PKHD1: variants seen among roughly 807,000 people sequenced by gnomAD.
PKHD1 encodes the protein PKHD1 ciliary IPT domain containing fibrocystin/polyductin.
In PKHD1, 291 loss-of-function variants were observed where a neutral mutation model predicts 412.0. The observed-to-expected ratio is 0.71, with a 90% CI of 0.64 to 0.78. The LOEUF (loss-of-function observed/expected upper bound fraction) is 0.78. PKHD1 is among the 30% of genes least tolerant of loss of function. The pLI is 0.00. For synonymous variants in PKHD1, 1,777 were observed against 1,821.5 expected (o/e 0.98, Z 0.62); for missense variants, 4,825 against 4,950.7 (o/e 0.97, Z 0.76).
intron 52 of PKHD1, among the ~76,000 whole-genome samples, chr6:51,812,310 A>G (rs1047716117): frequency 1.3e-5 from 2 of 152,224 alleles, no homozygotes; most frequent in Non-Finnish European, 2.9e-5. Context: ...AAGAAACAAA[A>G]TAAAGTTAAG....
Position 51,726,803 on chromosome 6 carries a change from C to A in PKHD1, c.10156+17582G>T, listed in dbSNP as rs183434241. Among the ~76,000 whole-genome samples the A allele has an allele frequency of 1.9e-4, 29 of 152,268 alleles. No homozygotes were observed. In the East Asian group the frequency reaches 5.6e-3, roughly 29 times the overall value. On this transcript the variant is annotated intron_variant, in intron 60 of 66. Coordinates refer to ENST00000371117, the MANE Select transcript of PKHD1 (RefSeq NM_138694.4). ...TATTTCAACTAAGACTAAGGTCTTA[C>A]AAATAACTATGGTGTGCTGAATAAT...
intron 55 of PKHD1, among the ~76,000 whole-genome samples, chr6:51,763,977 T>G (rs1788492193): frequency 6.6e-6 from 1 of 151,666 alleles, no homozygotes; most frequent in Non-Finnish European, 1.5e-5. Context: ...TACTTTAAGT[T>G]TTAGGGTACA....
At chr6:51,833,970 T>A (rs1326503641) in intron 51 of PKHD1, among the ~76,000 whole-genome samples, 1 of 152,114 alleles carries the variant, frequency 6.6e-6, no homozygotes, top group Non-Finnish European at 1.5e-5. Flanking sequence ...CCTGTACAAA[T>A]TTGTCCCTCA....
intron 32 of PKHD1, among the ~76,000 whole-genome samples, chr6:52,024,083 A>G (rs949311418): frequency 8.5e-5 from 13 of 152,216 alleles, no homozygotes; most frequent in Non-Finnish European, 1.6e-4. Context: ...TGGTATATCT[A>G]AACGGAGAAA....
chr6:51,931,253 C>T (rs541155486), intron 37 of PKHD1, among the ~76,000 whole-genome samples: 10 of 152,250 alleles, frequency 6.6e-5, no homozygotes, highest in South Asian at 2.1e-4. Flanking sequence ...CTCTTCTGTG[C>T]GCCAAAGTTG....
intron 55 of PKHD1, among the ~76,000 whole-genome samples, chr6:51,760,741 G>T (rs1787859818): frequency 6.6e-6 from 1 of 152,024 alleles, no homozygotes; most frequent in African/African-American, 2.4e-5. Context: ...TTTAACATAG[G>T]AGATAAAGGA....
chr6:51,733,063 A>G (rs1345693898), intron 60 of PKHD1, among the ~76,000 whole-genome samples: 1 of 152,222 alleles, frequency 6.6e-6, no homozygotes, highest in Non-Finnish European at 1.5e-5. Context: ...GGTAGTCAAA[A>G]TCATAGACCC....
At chr6:51,643,717 T>C (rs933648815) in intron 63 of PKHD1, among the ~76,000 whole-genome samples, 1 of 152,268 alleles carries the variant, frequency 6.6e-6, no homozygotes, top group East Asian at 1.9e-4. Flanking sequence ...CCGGGATACA[T>C]GTACAGAACA....
At chr6:51,886,708 C>T (rs919915052) in intron 44 of PKHD1, among the ~76,000 whole-genome samples, 1 of 152,088 alleles carries the variant, frequency 6.6e-6, no homozygotes, top group Non-Finnish European at 1.5e-5. Flanking sequence ...TGAATAAGTC[C>T]TAGAGATATA....
At chr6:51,780,037 A>G (rs1304812043) in intron 53 of PKHD1, among the ~76,000 whole-genome samples, 1 of 152,064 alleles carries the variant, frequency 6.6e-6, no homozygotes, top group Non-Finnish European at 1.5e-5. Context: ...TAATAAAAAA[A>G]TTTCAAAAGT....
At chr6:51,665,089 A>G (rs1251602004) in intron 60 of PKHD1, among the ~76,000 whole-genome samples, 1 of 152,174 alleles carries the variant, frequency 6.6e-6, no homozygotes, top group Non-Finnish European at 1.5e-5. Flanking sequence ...TTGACAAAAC[A>G]TACAACGAAC....
chr6:51,907,630 G>A (rs992258109), intron 40 of PKHD1, among the ~76,000 whole-genome samples: 5 of 152,112 alleles, frequency 3.3e-5, no homozygotes, highest in Non-Finnish European at 7.4e-5. Context: ...TCCTGCACAT[G>A]TACCCTAGAA....
In PKHD1 at chr6:52,026,088, T is replaced by C. The variant is rs760203018; in HGVS notation, c.3722A>G (p.Asn1241Ser). ...ACACCAGATGCTCGCCTCCGTTAAG[T>C]TCACAATGTCACAGGACCGATTGCC... ...LVGNRSCDIV[N>S]LTEASIWCET... Residue 1241 changes from asparagine (N) to serine (S), a missense_variant, in exon 32 of 67, where the codon AAC becomes AGC. Asn to Ser is a conservative substitution (Grantham distance 46). Transcript: ENST00000371117. 6.2e-7 allele frequency: 1 copy of C among 1,614,034 alleles called. No individual in the cohort carries two copies. The highest frequency in any genetic ancestry group is 1.3e-5 in the African/African-American group (1 of 74,906).
intron 28 of PKHD1, among the ~76,000 whole-genome samples, chr6:52,033,603 T>C (rs930695335): frequency 1.3e-5 from 2 of 151,840 alleles, no homozygotes. Flanking sequence ...GATGTACTTA[T>C]GGTTATTATC....
intron 16 of PKHD1, among the ~76,000 whole-genome samples, 188 bp downstream of exon 16, chr6:52,058,135 T>A (rs946903824): frequency 6.6e-6 from 1 of 152,248 alleles, no homozygotes; most frequent in African/African-American, 2.4e-5. Context: ...ATGAGTAAGA[T>A]AATCTCAGGA....
At chr6:51,831,094 G>C in intron 51 of PKHD1, 105 bp from the exon 52 acceptor site, 2 of 787,000 alleles carry the variant, frequency 2.5e-6, no homozygotes, top group South Asian at 3.0e-5. Context: ...CAAAGAAGCT[G>C]CCTATCAATA....
At chr6:51,622,868 A>G (rs1766799872) in intron 66 of PKHD1, 1 of 152,138 alleles carries the variant, frequency 6.6e-6, no homozygotes, top group South Asian at 2.1e-4. Context: ...TAAACCTTTT[A>G]TAAACTGTTT....
chr6:52,044,848 TAC>T (rs1805523332), intron 25 of PKHD1, 116 bp downstream of exon 25: 1 of 1,119,558 alleles, frequency 8.9e-7, no homozygotes. Context: ...ACCCCTGTTT[TAC>T]ACATTGGCAA....
intron 35 of PKHD1, among the ~76,000 whole-genome samples, chr6:51,966,681 C>G (rs1792854649): frequency 6.6e-6 from 1 of 152,116 alleles, no homozygotes; most frequent in African/African-American, 2.4e-5. Context: ...GGATCCCTGC[C>G]TTCAACAAAT....
Sources: gnomAD v4.1 joint callset for allele counts (sites outside exome capture counted in the v4.1 genomes callset) on GRCh38, gnomAD v4.1.1 for gene constraint, MANE v1.5 for transcripts, NCBI Gene and HGNC (gene_info 2026-07-23, HGNC 2026-07-21) for gene names.